The following PDE4D variants were observed in gnomAD, a reference collection of about 807,000 sequenced individuals.
PDE4D encodes the protein 3',5'-cyclic-AMP phosphodiesterase 4D.
PDE4D carries 24 observed loss-of-function variants against 87.4 expected under a neutral mutation model. That is an observed-to-expected ratio of 0.27 (90% CI 0.20 to 0.39). The LOEUF is 0.39. PDE4D is among the 10% of genes least tolerant of loss of function. The pLI, the probability that PDE4D is intolerant of heterozygous loss-of-function variation, is 1.00. For synonymous variants in PDE4D, 384 were observed against 383.2 expected (o/e 1.00, Z -0.02); for missense variants, 714 against 1,041.0 (o/e 0.69, Z 4.32).
intron 1 of PDE4D, among the ~76,000 whole-genome samples, chr5:59,394,159 A>G (rs454702): frequency 0.25 from 37,503 of 152,052 alleles, 4,970 homozygotes; most frequent in East Asian, 0.39. Flanking sequence ...TGCTATCTAT[A>G]TTGGCAGATA....
intron 1 of PDE4D, among the ~76,000 whole-genome samples, chr5:59,330,682 G>C (rs575555636): frequency 6.6e-6 from 1 of 152,154 alleles, no homozygotes; most frequent in East Asian, 1.9e-4. Flanking sequence ...ATGTCTTTTA[G>C]TTTATTTCGT....
At chr5:59,893,843 G>A (rs918536498), upstream of PDE4D, 6 of 1,316,640 alleles carry the variant, frequency 4.6e-6, no homozygotes, top group Non-Finnish European at 5.8e-6. Context: ...TCCTTCCACC[G>A]AGGCTATGGC....
At chr5:59,787,439 C>T (rs552663564) in intron 1 of PDE4D, among the ~76,000 whole-genome samples, 1 of 152,194 alleles carries the variant, frequency 6.6e-6, no homozygotes, top group Non-Finnish European at 1.5e-5. Flanking sequence ...ACCTCTCAAA[C>T]AGAAGGAATC....
chr5:59,989,108 A>G (rs1259772614), intron 2 of PDE4D, among the ~76,000 whole-genome samples: 1 of 96,250 alleles, frequency 1.0e-5, no homozygotes, highest in Non-Finnish European at 2.4e-5. Flanking sequence ...ATATATATAT[A>G]TATATATACA....
At chr5:59,962,452 T>C (rs1209142528) in intron 3 of PDE4D, among the ~76,000 whole-genome samples, 4 of 152,024 alleles carry the variant, frequency 2.6e-5, no homozygotes, top group Non-Finnish European at 5.9e-5. Context: ...GTATGTAAGA[T>C]TAGTCAACAT....
intron 1 of PDE4D, among the ~76,000 whole-genome samples, chr5:59,307,456 A>C (rs1410151086): frequency 6.6e-6 from 1 of 152,102 alleles, no homozygotes; most frequent in Admixed American, 6.6e-5. Flanking sequence ...TTCGCAACCT[A>C]CTCATCTGAC....
chr5:60,482,034 G>A (rs40219), intron 1 of PDE4D, among the ~76,000 whole-genome samples: 16,858 of 152,114 alleles, frequency 0.11, 1,342 homozygotes, highest in East Asian at 0.37. Context: ...TCATTGTTGT[G>A]GACTGAATGT....
chr5:59,195,111 C>T (rs1745165011), intron 2 of PDE4D, among the ~76,000 whole-genome samples: 1 of 152,096 alleles, frequency 6.6e-6, no homozygotes, highest in Non-Finnish European at 1.5e-5. Context: ...ATGCTGATGC[C>T]ATGTCCTTGA....
chr5:59,093,176 G>A (rs560936957), intron 5 of PDE4D, among the ~76,000 whole-genome samples: 1 of 152,172 alleles, frequency 6.6e-6, no homozygotes, highest in Non-Finnish European at 1.5e-5. Flanking sequence ...GTGGACTAAT[G>A]TGTTCTCCCG....
intron 1 of PDE4D, among the ~76,000 whole-genome samples, chr5:59,500,934 A>AT (rs1808191054): frequency 6.7e-6 from 1 of 150,202 alleles, no homozygotes; most frequent in Non-Finnish European, 1.5e-5. Context: ...TCCCTTTCTC[A>AT]TTTTTCCATA....
At chr5:59,557,889 C>T (rs1459422502) in intron 1 of PDE4D, among the ~76,000 whole-genome samples, 1 of 152,070 alleles carries the variant, frequency 6.6e-6, no homozygotes, top group Non-Finnish European at 1.5e-5. Context: ...AGGAAAAAGA[C>T]CAGCAGTACC....
At chr5:59,925,459 G>T (rs1406057993) in intron 3 of PDE4D, among the ~76,000 whole-genome samples, 2 of 152,078 alleles carry the variant, frequency 1.3e-5, no homozygotes, top group Non-Finnish European at 2.9e-5. Flanking sequence ...AAGGAAAGAA[G>T]AAAGAAGAAA....
At chr5:60,331,075 T>C (rs999980839) in intron 1 of PDE4D, among the ~76,000 whole-genome samples, 2 of 152,240 alleles carry the variant, frequency 1.3e-5, no homozygotes, top group Admixed American at 1.3e-4. Flanking sequence ...ATTTATTGCA[T>C]GTCACCAAGT....
chr5:59,634,123 C>T (rs298039), intron 1 of PDE4D, among the ~76,000 whole-genome samples: 119,448 of 151,952 alleles, frequency 0.79, 47,003 homozygotes, highest in South Asian at 0.91. Flanking sequence ...CCAAAAAAGA[C>T]AGAAAAAGAC....
intron 2 of PDE4D, among the ~76,000 whole-genome samples, chr5:60,156,451 C>T (rs1781985947): frequency 6.6e-6 from 1 of 152,134 alleles, no homozygotes; most frequent in Admixed American, 6.6e-5. Context: ...AAACTTTACT[C>T]ATAAATTCTT....
At chr5:59,601,325 C>A (rs1323582114) in intron 1 of PDE4D, among the ~76,000 whole-genome samples, 1 of 151,978 alleles carries the variant, frequency 6.6e-6, no homozygotes, top group Non-Finnish European at 1.5e-5. Flanking sequence ...AAACAGGTCA[C>A]AGTAGAACTA....
chr5:59,477,372 A>ATT (rs199598936), intron 1 of PDE4D, among the ~76,000 whole-genome samples: 1 of 134,062 alleles, frequency 7.5e-6, no homozygotes, highest in Non-Finnish European at 1.6e-5. Context: ...AAAAAAAAAA[A>ATT]AATTAAAGAA....
chr5:60,205,576 T>C lies in PDE4D; in HGVS notation c.-89-19889A>G, dbSNP rs1742407792. Among the ~76,000 whole-genome samples the C allele has an allele frequency of 3.3e-5, 5 of 151,886 alleles. No individual in the cohort carries two copies. The South Asian group carries it at 1.0e-3, about 32-fold the overall frequency. On this transcript the variant is annotated intron_variant, in intron 1 of 16. Transcript: ENST00000502484. ...GGATCCTCCCCAACCTTCAGAACAC[T>C]CCAAAAACTTTCCTGAAAAGGCAAT...
At chr5:59,945,273 G>A (rs1757616286) in intron 3 of PDE4D, among the ~76,000 whole-genome samples, 1 of 152,198 alleles carries the variant, frequency 6.6e-6, no homozygotes, top group African/African-American at 2.4e-5. Context: ...TCAGAAGAGA[G>A]TATCATTTAC....
Sources: allele counts gnomAD v4.1 joint callset (sites outside exome capture counted in the v4.1 genomes callset), GRCh38; gene constraint gnomAD v4.1.1; transcripts MANE v1.5; gene names NCBI Gene and HGNC (gene_info 2026-07-23, HGNC 2026-07-21).